Variants in TRHDE observed in about 807,000 individuals in gnomAD.
TRHDE encodes thyrotropin releasing hormone degrading enzyme, also known as thyrotropin-releasing hormone-degrading ectoenzyme.
TRHDE carries 72 observed loss-of-function variants against 125.7 expected under a neutral mutation model. The observed-to-expected ratio is 0.57, with a 90% CI of 0.47 to 0.70. The LOEUF (loss-of-function observed/expected upper bound fraction) is 0.70. TRHDE is among the 30% of genes least tolerant of loss of function. TRHDE has a pLI of 0.00. For missense variants in TRHDE, 1,110 were observed against 1,327.1 expected, an observed-to-expected ratio of 0.84 and a Z score of 2.54; for synonymous variants, 509 against 509.1, an observed-to-expected ratio of 1.00 and a Z score of 0.00.
intron 3 of TRHDE, among the ~76,000 whole-genome samples, chr12:72,447,878 T>G (rs981163869): frequency 6.6e-6 from 1 of 152,022 alleles, no homozygotes; most frequent in Non-Finnish European, 1.5e-5. Context: ...AAAGAGACTT[T>G]CTTGGCACAT....
intron 5 of TRHDE, among the ~76,000 whole-genome samples, chr12:72,492,931 A>T (rs992585167): frequency 6.6e-6 from 1 of 151,896 alleles, no homozygotes; most frequent in Non-Finnish European, 1.5e-5. Flanking sequence ...ACAGTATTTT[A>T]TACTATTAAT....
intron 4 of TRHDE, among the ~76,000 whole-genome samples, chr12:72,472,109 T>C (rs1876675264): frequency 6.6e-6 from 1 of 152,198 alleles, no homozygotes; most frequent in South Asian, 2.1e-4. Flanking sequence ...TGTAAAGCAG[T>C]TCCTCCCTCA....
At chr12:72,143,609 C>T (rs887264331) in intron 2 of TRHDE, among the ~76,000 whole-genome samples, 2 of 152,010 alleles carry the variant, frequency 1.3e-5, no homozygotes, top group Non-Finnish European at 2.9e-5. Context: ...CCATATTAAA[C>T]GGACTAAGTA....
chr12:72,274,553 G>T (rs755585052), intron 1 of TRHDE: 1 of 152,036 alleles, frequency 6.6e-6, no homozygotes, highest in Non-Finnish European at 1.5e-5. Flanking sequence ...CTTATTGCAC[G>T]CCCATGTACT....
intron 2 of TRHDE, among the ~76,000 whole-genome samples, chr12:72,165,679 A>ATT (rs57114088): frequency 0.056 from 8,188 of 145,376 alleles, 395 homozygotes; most frequent in African/African-American, 0.12. Context: ...TGAGAAATGC[A>ATT]TTTTTTTTTT....
chr12:72,378,518 C>A (rs1198932796), intron 3 of TRHDE, among the ~76,000 whole-genome samples: 2 of 152,070 alleles, frequency 1.3e-5, no homozygotes, highest in Admixed American at 1.3e-4. Context: ...ATCTGGACAG[C>A]CAGTAAGTGA....
chr12:72,493,706 C>T (rs926777626), intron 5 of TRHDE, among the ~76,000 whole-genome samples: 5 of 151,648 alleles, frequency 3.3e-5, no homozygotes, highest in African/African-American at 4.9e-5. Context: ...ATGTTATACT[C>T]TCTGCCTTTA....
chr12:72,499,432 A>C (rs1001421848), intron 5 of TRHDE, 66 bp from the exon 6 acceptor site: 1 of 1,554,548 alleles, frequency 6.4e-7, no homozygotes, highest in African/African-American at 1.4e-5. Flanking sequence ...CATTATGTTC[A>C]TGTCATCATA....
intron 2 of TRHDE, among the ~76,000 whole-genome samples, chr12:72,250,864 T>TATA (rs1415968314): frequency 5.5e-5 from 3 of 54,578 alleles, no homozygotes; most frequent in African/African-American, 1.0e-4. Flanking sequence ...ATATATATAT[T>TATA]TTATTTTTAT....
chr12:72,499,665 A>G (rs1878067546), intron 6 of TRHDE, 30 bp downstream of exon 6: 1 of 1,607,342 alleles, frequency 6.2e-7, no homozygotes, highest in Non-Finnish European at 8.5e-7. Context: ...TGCCAATTAG[A>G]TATTTCATTA....
intron 6 of TRHDE, among the ~76,000 whole-genome samples, chr12:72,519,757 T>A (rs1217889984): frequency 1.3e-5 from 2 of 152,204 alleles, no homozygotes; most frequent in African/African-American, 2.4e-5. Context: ...GTTCTGTTTT[T>A]TCCCCATCTT....
intron 2 of TRHDE, among the ~76,000 whole-genome samples, chr12:72,146,430 C>A (rs1876228380): frequency 6.6e-6 from 1 of 152,130 alleles, no homozygotes; most frequent in Admixed American, 6.5e-5. Context: ...AATTATTTTT[C>A]AAGGCATAAC....
chr12:72,445,190 A>G (rs1310835769), intron 3 of TRHDE, among the ~76,000 whole-genome samples: 3 of 151,712 alleles, frequency 2.0e-5, no homozygotes, highest in Non-Finnish European at 4.4e-5. Flanking sequence ...ATTGCTTCTT[A>G]AAGGAAGTGA....
intron 12 of TRHDE, among the ~76,000 whole-genome samples, chr12:72,609,700 TAGTC>T (rs1293992075): frequency 2.0e-5 from 3 of 152,176 alleles, no homozygotes; most frequent in Admixed American, 6.5e-5. Flanking sequence ...AGAGAAGACA[TAGTC>T]AGTTCTTTTT....
At chr12:72,300,191 T>C (rs1408946278) in intron 2 of TRHDE, among the ~76,000 whole-genome samples, 1 of 152,132 alleles carries the variant, frequency 6.6e-6, no homozygotes, top group Non-Finnish European at 1.5e-5. Context: ...CCCAGCTGGA[T>C]TGTTTTCATT....
chr12:72,525,601 T>TTGTGTG (rs3081972), intron 6 of TRHDE, among the ~76,000 whole-genome samples: 3,361 of 127,430 alleles, frequency 0.026, 71 homozygotes, highest in African/African-American at 0.066. Flanking sequence ...TGTGTGTGGT[T>TTGTGTG]TGTGTGTGTG....
intron 2 of TRHDE, among the ~76,000 whole-genome samples, chr12:72,198,875 C>A (rs994028336): frequency 1.3e-5 from 2 of 151,368 alleles, no homozygotes. Context: ...CCTCAGGAAA[C>A]TTACAATCAT....
intron 2 of TRHDE, among the ~76,000 whole-genome samples, chr12:72,150,511 TA>T (rs1392861472): frequency 2.6e-5 from 4 of 151,168 alleles, no homozygotes; most frequent in Non-Finnish European, 5.9e-5. Flanking sequence ...ACTCGTCATT[TA>T]ACATTAGGTA....
chr12:72,436,467 A>G (rs1021685383), intron 3 of TRHDE, among the ~76,000 whole-genome samples: 1 of 151,932 alleles, frequency 6.6e-6, no homozygotes, highest in African/African-American at 2.4e-5. Flanking sequence ...ATATAAAGAC[A>G]TTATGCTAAT....
Sources: gnomAD v4.1 joint callset for allele counts (sites outside exome capture counted in the v4.1 genomes callset) on GRCh38, gnomAD v4.1.1 for gene constraint, MANE v1.5 for transcripts, NCBI Gene and HGNC (gene_info 2026-07-23, HGNC 2026-07-21) for gene names.